The following HDAC4 variants were observed in gnomAD, a reference collection of about 807,000 sequenced individuals.
HDAC4 encodes the protein histone deacetylase A.
A neutral mutation model predicts 135.1 loss-of-function variants in HDAC4; 16 were observed. The observed-to-expected ratio is 0.12, with a 90% CI of 0.08 to 0.18. The LOEUF (loss-of-function observed/expected upper bound fraction) is 0.18, where lower values mean the gene tolerates loss of function less well. HDAC4 is among the 10% of genes least tolerant of loss of function. HDAC4 has a pLI of 1.00. For synonymous variants in HDAC4, 685 were observed against 653.4 expected (o/e 1.05, Z -0.74); for missense variants, 1,143 against 1,511.8 (o/e 0.76, Z 4.05).
intron 1 of HDAC4, among the ~76,000 whole-genome samples, chr2:239,373,178 A>ATCT (rs1694756189): frequency 1.3e-5 from 2 of 152,166 alleles, no homozygotes; most frequent in Non-Finnish European, 2.9e-5. Flanking sequence ...AACGACCTCT[A>ATCT]AAGAGGCTGC....
intron 1 of HDAC4, among the ~76,000 whole-genome samples, chr2:239,365,249 C>A (rs980910221): frequency 6.6e-6 from 1 of 152,154 alleles, no homozygotes; most frequent in African/African-American, 2.4e-5. Flanking sequence ...GGCCACATGG[C>A]GCAAGACTTC....
intron 4 of HDAC4, among the ~76,000 whole-genome samples, chr2:239,185,400 T>C (rs1000668817): frequency 6.6e-6 from 1 of 151,308 alleles, no homozygotes; most frequent in Non-Finnish European, 1.5e-5. Flanking sequence ...CCACGCCTCC[T>C]GGGGAGAGGT....
rs1203343229 is a variant in HDAC4, at chr2:239,163,558, C to T, written c.611+245G>A. Among the ~76,000 whole-genome samples, 9 of 151,952 alleles carry T rather than the reference C, an allele frequency of 5.9e-5. No homozygotes were observed. The East Asian group carries it at 7.8e-4, about 13-fold the overall frequency. ...CCCCTGTGAGGGCAGGGGCAGCTGCCGTGTGAGTGTACCCCCAGACCATGT... is the reference window on the plus strand; with the variant it reads ...CCCCTGTGAGGGCAGGGGCAGCTGCTGTGTGAGTGTACCCCCAGACCATGT... On this transcript the variant is annotated intron_variant, in intron 6 of 26. Coordinates refer to ENST00000543185, the MANE Select transcript of HDAC4 (RefSeq NM_001378414.1).
intron 8 of HDAC4, among the ~76,000 whole-genome samples, chr2:239,142,343 C>A (rs1200752381): frequency 2.0e-5 from 3 of 152,198 alleles, no homozygotes; most frequent in Non-Finnish European, 2.9e-5. Flanking sequence ...TGTGGGACCA[C>A]CCCGCCTAGA....
chr2:239,189,736 TG>T, intron 4 of HDAC4, 96 bp downstream of exon 4: 1 of 1,265,298 alleles, frequency 7.9e-7, no homozygotes, highest in Non-Finnish European at 1.1e-6. Context: ...GCATCATGCC[TG>T]GGGCCCCAGC....
At chr2:239,350,840 G>A (rs548660236) in intron 2 of HDAC4, among the ~76,000 whole-genome samples, 8 of 152,178 alleles carry the variant, frequency 5.3e-5, no homozygotes, top group Non-Finnish European at 7.4e-5. Context: ...ACATACAGAC[G>A]TCTTTAGACT....
chr2:239,379,945 G>A (rs929694451), intron 1 of HDAC4, among the ~76,000 whole-genome samples: 3 of 151,990 alleles, frequency 2.0e-5, no homozygotes, highest in Admixed American at 6.5e-5. Context: ...GGGGTGACTC[G>A]GGGGGAAGCG....
intron 15 of HDAC4, among the ~76,000 whole-genome samples, chr2:239,107,321 A>T (rs79830281): frequency 1.3e-5 from 2 of 152,186 alleles, no homozygotes; most frequent in Non-Finnish European, 2.9e-5. Context: ...TCTGGTTCCT[A>T]TCAGGAGGCG....
At chr2:239,083,114 G>A (rs577017922) in intron 20 of HDAC4, among the ~76,000 whole-genome samples, 2 of 152,388 alleles carry the variant, frequency 1.3e-5, no homozygotes, top group East Asian at 3.9e-4. Context: ...CCCGACATGT[G>A]GCTTCACACT....
At chr2:239,149,587 T>C (rs767981295) in intron 7 of HDAC4, among the ~76,000 whole-genome samples, 11 of 152,158 alleles carry the variant, frequency 7.2e-5, no homozygotes, top group African/African-American at 2.7e-4. Flanking sequence ...CCGCCTCACG[T>C]GCCCTGCGTG....
rs568038297 is a variant in HDAC4 at position 239,285,521 on chromosome 2, G to A, written c.23-48857C>T. 3.3e-5 allele frequency among the ~76,000 whole-genome samples: 5 copies of A among 152,230 alleles called. No individual in the cohort carries two copies. Among genetic ancestry groups the A allele is most frequent in the African/African-American group, 1.2e-4 (5 of 41,472 alleles). On this transcript the variant is annotated intron_variant, in intron 2 of 26. Coordinates refer to ENST00000543185, the MANE Select transcript of HDAC4 (RefSeq NM_001378414.1). This position sits in a 1 kb window ranked among gnomAD's most constrained non-coding sequence, Gnocchi z 4.5. ...GCCGCGGGACCTGTCATCCCAGCTG[G>A]TGGGGAGAAAACGAAGCTGGGTAAA...
At chr2:239,272,799 A>G (rs2050127314) in intron 2 of HDAC4, among the ~76,000 whole-genome samples, 2 of 152,210 alleles carry the variant, frequency 1.3e-5, no homozygotes, top group Non-Finnish European at 2.9e-5. Flanking sequence ...AGGCAACTGT[A>G]GGGGACAAGA....
chr2:239,253,372 T>C (rs2048890566), intron 2 of HDAC4, among the ~76,000 whole-genome samples: 1 of 152,258 alleles, frequency 6.6e-6, no homozygotes, highest in Admixed American at 6.5e-5. Flanking sequence ...TTATGACCGA[T>C]GTCACATCTA....
At chr2:239,193,736 G>A (rs1261885437) in intron 3 of HDAC4, among the ~76,000 whole-genome samples, 1 of 152,268 alleles carries the variant, frequency 6.6e-6, no homozygotes, top group African/African-American at 2.4e-5. Context: ...TCAGGACAAA[G>A]TGGGGAAGGC....
intron 1 of HDAC4, among the ~76,000 whole-genome samples, chr2:239,396,306 G>A (rs1371224733): frequency 6.6e-6 from 1 of 151,910 alleles, no homozygotes; most frequent in Non-Finnish European, 1.5e-5. Flanking sequence ...ATACATATGG[G>A]TCTCTCCAGA....
chr2:239,339,822 C>A (rs1234828558), intron 2 of HDAC4, among the ~76,000 whole-genome samples: 41 of 152,186 alleles, frequency 2.7e-4, no homozygotes, highest in Admixed American at 2.7e-3. Flanking sequence ...ACAAGAAACA[C>A]CCTCCCCACA....
intron 1 of HDAC4, among the ~76,000 whole-genome samples, chr2:239,374,561 G>A (rs1002525088): frequency 5.3e-5 from 8 of 150,422 alleles, no homozygotes; most frequent in South Asian, 2.1e-4. Context: ...CCGCCACTAC[G>A]CCCGGCTAAT....
At position 239,366,969 on chromosome 2, in the gene HDAC4, T is replaced by C. The variant is rs140641125; in HGVS notation, c.-219-14051A>G. 2.8e-3 allele frequency among the ~76,000 whole-genome samples: 392 copies of C among 138,348 alleles called. 55 individuals are homozygous for C. The highest frequency in any genetic ancestry group is 0.013 in the African/African-American group (370 of 28,374). The allele number at this position is 138,348 out of a possible 152,430, so 90.8% of individuals were successfully genotyped here. ...TAGCTTCACCAACAACGGGCCTGAATTGAGCTTCACCAACAACATGCCTGA... is the reference window on the plus strand; with the variant it reads ...TAGCTTCACCAACAACGGGCCTGAACTGAGCTTCACCAACAACATGCCTGA... On this transcript the variant is annotated intron_variant, in intron 1 of 26. Transcript: ENST00000543185.
rs1007190844 is a variant in HDAC4 at position 239,309,456 on chromosome 2, G to A, written c.22+43222C>T. ...CCAAGGAAGCAAGAAGCGGGACCCC[G>A]CCTTCTCAGCCACCTCTCACTAACA... On this transcript the variant is annotated intron_variant, in intron 2 of 26. Transcript: ENST00000543185. The surrounding 1 kb of genome is among the most constrained non-coding windows in gnomAD (Gnocchi z 4.2). 2.0e-4 allele frequency among the ~76,000 whole-genome samples: 30 copies of A among 152,202 alleles called. No individual in the cohort carries two copies. The highest frequency in any genetic ancestry group is 5.5e-4 in the African/African-American group (23 of 41,458).
Sources: gnomAD v4.1 joint callset for allele counts (sites outside exome capture counted in the v4.1 genomes callset) on GRCh38, gnomAD v4.1.1 for gene constraint, Gnocchi (gnomAD v3.1) non-coding constraint, MANE v1.5 for transcripts, NCBI Gene and HGNC (gene_info 2026-07-23, HGNC 2026-07-21) for gene names.